PGPEP1: variants seen among roughly 807,000 people sequenced by gnomAD.
The protein encoded by PGPEP1 is pyroglutamyl-peptidase I.
In PGPEP1, 15 loss-of-function variants were observed where a neutral mutation model predicts 24.1. The ratio of observed to expected loss-of-function variants is 0.62; its 90% CI spans 0.42 to 0.96. The LOEUF (loss-of-function observed/expected upper bound fraction) is 0.96. Ranked by LOEUF, PGPEP1 falls within the 40% of genes least tolerant of loss-of-function variation. PGPEP1 has a pLI of 0.00. For synonymous variants in PGPEP1, 122 were observed against 116.4 expected, an observed-to-expected ratio of 1.05 and a Z score of -0.31; for missense variants, 242 against 273.4, an observed-to-expected ratio of 0.89 and a Z score of 0.81.
At chr19:18,354,292 G>A (rs371921430) in intron 2 of PGPEP1, among the ~76,000 whole-genome samples, 3 of 151,768 alleles carry the variant, frequency 2.0e-5, no homozygotes, top group Non-Finnish European at 2.9e-5. Flanking sequence ...TCAGGAGATC[G>A]AGACCATCCT....
intron 2 of PGPEP1, 66 bp from the exon 3 acceptor site, chr19:18,355,829 C>G (rs1971165242): frequency 1.0e-6 from 1 of 995,402 alleles, no homozygotes. Flanking sequence ...TTTCACCCCC[C>G]AGAGAGCGCA....
intron 2 of PGPEP1, among the ~76,000 whole-genome samples, chr19:18,351,823 T>C (rs1409456914): frequency 1.3e-5 from 2 of 151,638 alleles, no homozygotes; most frequent in Non-Finnish European, 2.9e-5. Flanking sequence ...GAATAATAGA[T>C]TAGAAACAGG....
At position 18,356,504 on chromosome 19, in the gene PGPEP1, T is replaced by C. The variant is rs543421068; in HGVS notation, c.204+493T>C. Among the ~76,000 whole-genome samples, 30 of 151,934 alleles carry C rather than the reference T, an allele frequency of 2.0e-4. No individual in the cohort carries two copies. In the South Asian group the frequency reaches 6.2e-3, roughly 32 times the overall value. ...GCTCATGCCTGTAATCCCAGCACTT[T>C]GGAAGGCCGAGGCAGGAGGATTGCT... On this transcript the variant is annotated intron_variant, in intron 3 of 4. Coordinates refer to ENST00000269919, the MANE Select transcript of PGPEP1 (RefSeq NM_017712.4).
At chr19:18,355,662 T>C (rs527997915) in intron 2 of PGPEP1, among the ~76,000 whole-genome samples, 23 of 152,268 alleles carry the variant, frequency 1.5e-4, no homozygotes, top group African/African-American at 5.3e-4. Flanking sequence ...CCAAGGAGCC[T>C]GGGATTTAAC....
intron 4 of PGPEP1, among the ~76,000 whole-genome samples, chr19:18,362,357 AG>A (rs1476077145): frequency 3.3e-5 from 5 of 151,514 alleles, no homozygotes; most frequent in African/African-American, 1.2e-4. Context: ...GAGTGAGCCA[AG>A]ATCTCAACAC....
rs8105314 is a variant in PGPEP1 at position 18,355,813 on chromosome 19, T to C, written c.88-82T>C. 20,893 of 852,328 alleles carry C rather than the reference T, an allele frequency of 0.025. 2,602 individuals carry two copies. In the African/African-American group the frequency reaches 0.28, roughly 12 times the overall value. The allele number at this position is 852,328 out of a possible 1,614,324, so 52.8% of individuals were successfully genotyped here. A position where few individuals can be genotyped will look rare whatever the true frequency, so the allele number is the denominator to read the frequency against. ...CTGCAGAATGAGTCTGGAGAACGCC[T>C]GTTTGTTTCACCCCCCAGAGAGCGC... On this transcript the variant is annotated intron_variant, in intron 2 of 4. Coordinates refer to ENST00000269919, the MANE Select transcript of PGPEP1 (RefSeq NM_017712.4).
chr19:18,342,751 C>A, intron 1 of PGPEP1, 108 bp from the exon 2 acceptor site: 1 of 833,352 alleles, frequency 1.2e-6, no homozygotes, highest in Non-Finnish European at 2.0e-6. Context: ...TTGGCAGCTG[C>A]GCCCTGAAGC....
chr19:18,352,918 C>CTTTTTTTTTTTTTT (rs147065945), intron 2 of PGPEP1, among the ~76,000 whole-genome samples: 1 of 144,606 alleles, frequency 6.9e-6, no homozygotes, highest in African/African-American at 2.5e-5. Context: ...CAGGTTGAAT[C>CTTTTTTTTTTTTTT]TTTTTTTTTT....
At chr19:18,341,080 G>A (rs1970659045) in intron 1 of PGPEP1, among the ~76,000 whole-genome samples, 1 of 152,160 alleles carries the variant, frequency 6.6e-6, no homozygotes, top group African/African-American at 2.4e-5. Flanking sequence ...CCCCTTCCGA[G>A]GTCCAGCCTG....
chr19:18,364,083 G>GTTCTTTCTTTCTTTCTTTCTTTCTTT lies in PGPEP1; in HGVS notation c.*500_*501insTTCTTTCTTTCTTTCTTTCTTTCTTT, dbSNP rs1568320782. 47 of 86,686 alleles carry GTTCTTTCTTTCTTTCTTTCTTTCTTT rather than the reference G, an allele frequency of 5.4e-4. No individual in the cohort carries two copies. Among genetic ancestry groups the GTTCTTTCTTTCTTTCTTTCTTTCTTT allele is most frequent in the African/African-American group, 1.4e-3 (37 of 26,754 alleles). The allele number at this position is 86,686 out of a possible 1,614,324, so 5.4% of individuals were successfully genotyped here. On this transcript the variant is annotated 3_prime_UTR_variant, in exon 5 of 5. Transcript: ENST00000269919. ...ACCCTGGGATATGGCTGGCTGGCTG[G>GTTCTTTCTTTCTTTCTTTCTTTCTTT]CTTTCTTTCTTTCTTTCTTTCTTTC...
chr19:18,357,766 G>T (rs993024054), intron 4 of PGPEP1, 151 bp downstream of exon 4: 6 of 634,362 alleles, frequency 9.5e-6, no homozygotes, highest in Non-Finnish European at 1.7e-5. Context: ...TACGTAGCAG[G>T]TGCCGTTGGT....
chr19:18,355,774 A>G (rs1001316627), intron 2 of PGPEP1, 121 bp from the exon 3 acceptor site: 2 of 673,984 alleles, frequency 3.0e-6, no homozygotes, highest in Non-Finnish European at 5.5e-6. Context: ...AAATCAACAC[A>G]CACCCTTGCC....
chr19:18,350,290 G>T (rs1211487608), intron 2 of PGPEP1, among the ~76,000 whole-genome samples: 1 of 152,178 alleles, frequency 6.6e-6, no homozygotes, highest in Non-Finnish European at 1.5e-5. Context: ...CTTCCAAAGT[G>T]CTGGGATTAC....
chr19:18,361,976 A>G lies in PGPEP1; in HGVS notation c.438-1415A>G, dbSNP rs1971358196. 6 of 723,640 alleles carry G rather than the reference A, an allele frequency of 8.3e-6. No individual in the cohort carries two copies. In the African/African-American group the frequency reaches 1.2e-4, roughly 14 times the overall value. 44.8% of individuals were successfully genotyped at this position (723,640 alleles called of 1,614,324 possible). On this transcript the variant is annotated intron_variant, in intron 4 of 4. Transcript: ENST00000269919. The stretch of plus-strand genomic sequence containing the variant: ...GGATTCCATGGTGTGGATAAACCAG[A>G]GTTTACTAAGCCACTCCCTGTCAGT...
chr19:18,361,754 A>G, intron 4 of PGPEP1: 1 of 985,382 alleles, frequency 1.0e-6, no homozygotes, highest in Non-Finnish European at 1.2e-6. Flanking sequence ...GTTTCCGTAC[A>G]TATATACATC....
intron 2 of PGPEP1, among the ~76,000 whole-genome samples, chr19:18,351,791 C>A: frequency 6.6e-6 from 1 of 151,708 alleles, no homozygotes; most frequent in Non-Finnish European, 1.5e-5. Context: ...AGAAAAAATT[C>A]TATGGGATTT....
chr19:18,354,980 T>A (rs1216468220), intron 2 of PGPEP1, among the ~76,000 whole-genome samples: 1 of 145,928 alleles, frequency 6.9e-6, no homozygotes, highest in African/African-American at 2.6e-5. Context: ...TTTTTTTTTT[T>A]TTTTTTGAGA....
intron 2 of PGPEP1, among the ~76,000 whole-genome samples, chr19:18,352,266 C>CAAAA (rs60299417): frequency 0.044 from 1,923 of 43,540 alleles, 197 homozygotes; most frequent in African/African-American, 0.14. Flanking sequence ...GACTCCGTCT[C>CAAAA]AAAAAAAAAA....
chr19:18,352,975 TG>T (rs995687618), intron 2 of PGPEP1, among the ~76,000 whole-genome samples: 1 of 151,522 alleles, frequency 6.6e-6, no homozygotes, highest in Non-Finnish European at 1.5e-5. Flanking sequence ...TGGAGTGCAG[TG>T]GCACAATCTC....
Sources: allele counts gnomAD v4.1 joint callset (sites outside exome capture counted in the v4.1 genomes callset), GRCh38; gene constraint gnomAD v4.1.1; transcripts MANE v1.5; gene names NCBI Gene and HGNC (gene_info 2026-07-23, HGNC 2026-07-21).